ZBTB48: variants seen among roughly 807,000 people sequenced by gnomAD.
ZBTB48 encodes the protein zinc finger and BTB domain-containing protein 48.
Under a neutral mutation model 64.5 loss-of-function variants are expected in ZBTB48, and 35 were observed. The observed-to-expected ratio is 0.54, with a 90% CI of 0.41 to 0.72. ZBTB48 has a LOEUF of 0.72. Ranked by LOEUF, ZBTB48 falls within the 30% of genes least tolerant of loss-of-function variation. The pLI is 0.00. For missense variants in ZBTB48, 828 were observed against 895.3 expected, an observed-to-expected ratio of 0.92 and a Z score of 0.96; for synonymous variants, 442 against 356.7, an observed-to-expected ratio of 1.24 and a Z score of -2.70.
chr1:6,583,902 C>T (rs1025638359), intron 3 of ZBTB48, among the ~76,000 whole-genome samples: 3 of 151,788 alleles, frequency 2.0e-5, no homozygotes, highest in Non-Finnish European at 4.4e-5. Flanking sequence ...GCCTCAGCCT[C>T]CTGAGTAGCT....
Position 6,588,091 on chromosome 1 carries a change from AGCCAC to A in ZBTB48, c.1415_1419del (p.His472LeufsTer17). On this transcript the variant is annotated frameshift_variant, in exon 8 of 11. Coordinates refer to ENST00000377674, the MANE Select transcript of ZBTB48 (RefSeq NM_005341.4). LOFTEE classifies it high-confidence loss of function. The stretch of plus-strand genomic sequence containing the variant: ...GAGGCCACACGTATGTGAGTTCTGC[AGCCAC>A]GCCTTCACCCAAAAGGCCAATCTCA... 6.2e-7 allele frequency: 1 copy of A among 1,614,146 alleles called. No homozygotes were observed. Among genetic ancestry groups the A allele is most frequent in the South Asian group, 1.1e-5 (1 of 91,086 alleles).
chr1:6,585,886 C>G, intron 3 of ZBTB48, 33 bp from the exon 4 acceptor site: 3 of 1,605,656 alleles, frequency 1.9e-6, no homozygotes, highest in Non-Finnish European at 2.6e-6. Context: ...GAAACCCTCT[C>G]AGCCCCCCCA....
At chr1:6,586,868 C>T (rs897835898) in intron 5 of ZBTB48, 81 bp downstream of exon 5, 55 of 1,467,230 alleles carry the variant, frequency 3.7e-5, no homozygotes, top group Non-Finnish European at 4.9e-5. Flanking sequence ...GGGGTGCTGT[C>T]AGGCACCTCC....
rs1466863940 is a variant in ZBTB48, at chr1:6,580,831, C to T, written c.222C>T (p.Gly74=). ...VLPAGFAEIF[G]LLLDFFYTGH... is the part of the protein sequence containing the mutation. ...CTGCTGGCTTCGCTGAGATCTTTGG[C>T]CTCTTGTTGGACTTTTTCTACACTG... The change falls in exon 2 of 11, where the codon GGC becomes GGT. Residue 74 remains glycine, a synonymous_variant. Transcript: ENST00000377674. This position sits in a 1 kb window ranked among gnomAD's most constrained non-coding sequence, Gnocchi z 5.2. 6.2e-7 allele frequency: 1 copy of T among 1,614,094 alleles called. No homozygotes were observed. The highest frequency in any genetic ancestry group is 1.3e-5 in the African/African-American group (1 of 74,950).
intron 3 of ZBTB48, among the ~76,000 whole-genome samples, chr1:6,585,081 G>T (rs1640609718): frequency 1.3e-5 from 2 of 152,170 alleles, no homozygotes; most frequent in Non-Finnish European, 2.9e-5. Flanking sequence ...CGGGCCAAGG[G>T]GTTGGGGAGT....
At chr1:6,587,657 G>C (rs778642154) in intron 7 of ZBTB48, 25 bp downstream of exon 7, 2 of 1,610,648 alleles carry the variant, frequency 1.2e-6, no homozygotes, top group Non-Finnish European at 1.7e-6. Context: ...TTCTCTCTTG[G>C]GGCCCAGTCC....
chr1:6,588,281 G>C lies in ZBTB48; in HGVS notation c.1520G>C (p.Ser507Thr). Reference protein sequence around the residue: ...LCGKTFRTQASLDKHNRTHTG... With the variant: ...LCGKTFRTQATLDKHNRTHTG... ...AGCTCTTGCCTTGTGCCTGCAGCCA[G>C]CCTGGACAAGCACAACCGCACCCAC... is the stretch of plus-strand genomic sequence containing the variant. The change falls in exon 9 of 11, where the codon AGC (serine) becomes ACC (threonine). Residue 507 changes from serine (S) to threonine (T), a missense_variant. By Grantham distance (58) the Ser-to-Thr change is moderately conservative (BLOSUM62 1). Coordinates refer to ENST00000377674, the MANE Select transcript of ZBTB48 (RefSeq NM_005341.4). 1 of 1,608,252 alleles carries C rather than the reference G, an allele frequency of 6.2e-7. No homozygotes were observed. Among genetic ancestry groups the C allele is most frequent in the African/African-American group, 1.3e-5 (1 of 74,964 alleles).
intron 3 of ZBTB48, among the ~76,000 whole-genome samples, chr1:6,583,947 T>C (rs1314741463): frequency 6.6e-6 from 1 of 151,830 alleles, no homozygotes; most frequent in East Asian, 1.9e-4. Flanking sequence ...ACCTGGCTAA[T>C]TTTTTTGTGT....
intron 9 of ZBTB48, 47 bp downstream of exon 9, chr1:6,588,489 G>C: frequency 6.8e-7 from 1 of 1,462,874 alleles, no homozygotes; most frequent in South Asian, 1.4e-5. Flanking sequence ...ATCCGAGTTG[G>C]AGGGTCTCTG....
chr1:6,585,895 C>A (rs776367596), intron 3 of ZBTB48, 24 bp from the exon 4 acceptor site: 46 of 1,611,250 alleles, frequency 2.9e-5, no homozygotes, highest in Non-Finnish European at 3.7e-5. Flanking sequence ...TCAGCCCCCC[C>A]ACCCCTGTGG....
At chr1:6,582,336 G>A (rs762041742) in intron 3 of ZBTB48, 37 bp downstream of exon 3, 3 of 1,595,616 alleles carry the variant, frequency 1.9e-6, no homozygotes, top group South Asian at 2.2e-5. Flanking sequence ...TTTCCTGTCT[G>A]CCATTCCCAC....
Position 6,588,318 on chromosome 1 carries a change from G to C in ZBTB48, c.1557G>C (p.Arg519Ser). 6.2e-7 allele frequency: 1 copy of C among 1,608,192 alleles called. No individual in the cohort carries two copies. Among genetic ancestry groups the C allele is most frequent in the Non-Finnish European group, 8.5e-7 (1 of 1,175,552 alleles). Reference protein sequence around the residue: ...DKHNRTHTGERPFSCEFCEQR... With the variant: ...DKHNRTHTGESPFSCEFCEQR... Reference sequence around the variant, plus strand: ...ACAACCGCACCCACACCGGGGAAAGGCCCTTCAGTTGCGAGTTCTGTGAAC... The same window carrying C: ...ACAACCGCACCCACACCGGGGAAAGCCCCTTCAGTTGCGAGTTCTGTGAAC... Residue 519 changes from arginine (R) to serine (S), a missense_variant, in exon 9 of 11, where the codon AGG (arginine) becomes AGC (serine). Arg to Ser is a moderately radical substitution (Grantham distance 110, BLOSUM62 -1). Coordinates refer to ENST00000377674, the MANE Select transcript of ZBTB48 (RefSeq NM_005341.4).
chr1:6,580,304 C>T lies in ZBTB48; in HGVS notation c.-70+168C>T, dbSNP rs1640386057. Among the ~76,000 whole-genome samples the T allele has an allele frequency of 6.6e-6, 1 of 152,220 alleles. No individual in the cohort carries two copies. Among genetic ancestry groups the T allele is most frequent in the Non-Finnish European group, 1.5e-5 (1 of 68,032 alleles). On this transcript the variant is annotated intron_variant, in intron 1 of 10. Coordinates refer to ENST00000377674, the MANE Select transcript of ZBTB48 (RefSeq NM_005341.4). The surrounding 1 kb of genome is among the most constrained non-coding windows in gnomAD (Gnocchi z 5.2). The stretch of plus-strand genomic sequence containing the variant: ...ACTGTGCCGGGCCAGTCCGTTCGCT[C>T]TCATCCCATGTCTCCTTTCCCCAAA...
rs749718567 is a variant in ZBTB48 at position 6,587,553 on chromosome 1, A to C, written c.1300A>C (p.Lys434Gln). The C allele has an allele frequency of 6.2e-7, 1 of 1,614,060 alleles. No individual in the cohort carries two copies. Among genetic ancestry groups the C allele is most frequent in the Non-Finnish European group, 8.5e-7 (1 of 1,180,024 alleles). Reference sequence around the variant, plus strand: ...TGAAGCTTTCAAGCACCGTGGTGAGAAGCTGTTTGTGTGTGAGGAGTGTGG... The same window carrying C: ...TGAAGCTTTCAAGCACCGTGGTGAGCAGCTGTTTGTGTGTGAGGAGTGTGG... ...LHEAFKHRGE[K>Q]LFVCEECGHR... The change falls in exon 7 of 11, where the codon AAG (lysine) becomes CAG (glutamine). Residue 434 changes from lysine to glutamine, a missense_variant. By Grantham distance (53) the Lys-to-Gln change is moderately conservative (BLOSUM62 1). Coordinates refer to ENST00000377674, the MANE Select transcript of ZBTB48 (RefSeq NM_005341.4).
At chr1:6,586,431 C>A in intron 4 of ZBTB48, 1 of 607,664 alleles carries the variant, frequency 1.6e-6, no homozygotes, top group Non-Finnish European at 2.7e-6. Flanking sequence ...CTGTCAGCAG[C>A]CACTAGGGCC....
intron 3 of ZBTB48, 200 bp from the exon 4 acceptor site, chr1:6,585,719 T>C: frequency 6.8e-6 from 4 of 590,302 alleles, no homozygotes; most frequent in Non-Finnish European, 1.2e-5. Flanking sequence ...TCTTAGGACC[T>C]GTGTGAGCTT....
rs760252099 is a variant in ZBTB48 at position 6,580,573 on chromosome 1, G to T, written c.-37G>T. Reference sequence around the variant, plus strand: ...CTCTTGCATACCCTCGCTTAGGCTGGCCGGGGTGTCACTTCTGCCTCCCTG... The same window carrying T: ...CTCTTGCATACCCTCGCTTAGGCTGTCCGGGGTGTCACTTCTGCCTCCCTG... On this transcript the variant is annotated 5_prime_UTR_variant, in exon 2 of 11. Coordinates refer to ENST00000377674, the MANE Select transcript of ZBTB48 (RefSeq NM_005341.4). The surrounding 1 kb of genome is among the most constrained non-coding windows in gnomAD (Gnocchi z 5.2). The T allele has an allele frequency of 1.3e-5, 20 of 1,583,478 alleles. No homozygotes were observed. The highest frequency in any genetic ancestry group is 1.7e-5 in the Admixed American group (1 of 57,558).
chr1:6,581,116 T>C lies in ZBTB48; in HGVS notation c.507T>C (p.Ser169=). 6.2e-7 allele frequency: 1 copy of C among 1,613,200 alleles called. No homozygotes were observed. The highest frequency in any genetic ancestry group is 1.7e-5 in the Admixed American group (1 of 59,996). Reference sequence around the variant, plus strand: ...CCAGGGATCAGGAGCCCAGAGGCAGTCATAGTCCTCAGAGGCCCCAGCTCC... The same window carrying C: ...CCAGGGATCAGGAGCCCAGAGGCAGCCATAGTCCTCAGAGGCCCCAGCTCC... The part of the protein sequence containing the change: ...LVPRDQEPRG[S]HSPQRPQLHS... Residue 169 remains serine, a synonymous_variant, in exon 2 of 11, where the codon AGT becomes AGC. Transcript: ENST00000377674.
rs1293107239 is a variant in ZBTB48, at chr1:6,584,938, G to A, written c.933-981G>A. ...GGCCAGCAAGGCTTTGTGGGTGCTT[G>A]GGATGCATTTAAGGGAACTAAACAA... On this transcript the variant is annotated intron_variant, in intron 3 of 10. Transcript: ENST00000377674. The surrounding 1 kb of genome is among the most constrained non-coding windows in gnomAD (Gnocchi z 4.5). Among the ~76,000 whole-genome samples the A allele has an allele frequency of 2.6e-5, 4 of 152,148 alleles. No homozygotes were observed. The highest frequency in any genetic ancestry group is 9.7e-5 in the African/African-American group (4 of 41,404).
Sources: allele counts gnomAD v4.1 joint callset (sites outside exome capture counted in the v4.1 genomes callset), GRCh38; gene constraint gnomAD v4.1.1; non-coding constraint Gnocchi (gnomAD v3.1); transcripts MANE v1.5; gene names NCBI Gene and HGNC (gene_info 2026-07-23, HGNC 2026-07-21).